Variants in CCDC7 observed in about 807,000 individuals in gnomAD.
CCDC7 encodes the protein coiled-coil domain containing 7.
CCDC7 carries 183 observed loss-of-function variants against 196.9 expected under a neutral mutation model. The ratio of observed to expected loss-of-function variants is 0.93; its 90% CI spans 0.82 to 1.05. The LOEUF (loss-of-function observed/expected upper bound fraction) is 1.05, where lower values mean the gene tolerates loss of function less well. Among genes scored for constraint, CCDC7 ranks in the 50% least tolerant of loss-of-function variants. The pLI is 0.00. For missense variants in CCDC7, 1,540 were observed against 1,482.2 expected (o/e 1.04, Z -0.64); for synonymous variants, 525 against 484.6 (o/e 1.08, Z -1.10).
chr10:32,793,826 A>G (rs1355848081), intron 29 of CCDC7, among the ~76,000 whole-genome samples: 1 of 152,218 alleles, frequency 6.6e-6, no homozygotes, highest in Non-Finnish European at 1.5e-5. Context: ...GTTTTGTGGT[A>G]TAACTATGAT....
At chr10:32,720,563 A>G (rs930050593) in intron 25 of CCDC7, among the ~76,000 whole-genome samples, 2 of 151,146 alleles carry the variant, frequency 1.3e-5, no homozygotes, top group African/African-American at 4.9e-5. Flanking sequence ...CCCAGAACTT[A>G]AACTATAATT....
chr10:32,669,413 G>A (rs756987610), intron 21 of CCDC7, among the ~76,000 whole-genome samples: 7 of 152,096 alleles, frequency 4.6e-5, no homozygotes, highest in Non-Finnish European at 7.4e-5. Flanking sequence ...GAGTTTGGAA[G>A]TGATCTCTCT....
In CCDC7 at chr10:32,634,371, A is replaced by G. The variant is rs1317092712; in HGVS notation, c.1912+7A>G. 1 of 1,016,582 alleles carries G rather than the reference A, an allele frequency of 9.8e-7. No individual in the cohort carries two copies. Among genetic ancestry groups the G allele is most frequent in the Non-Finnish European group, 1.3e-6 (1 of 792,180 alleles). 63.0% of individuals were successfully genotyped at this position (1,016,582 alleles called of 1,614,324 possible). The stretch of plus-strand genomic sequence containing the variant: ...AGTATGGAAAGACATGAGGGTAAGT[A>G]TAATAATTATACATATCTTTACACT... On this transcript the variant is annotated splice_region_variant and intron_variant, in intron 19 of 41. Transcript: ENST00000639629.
intron 28 of CCDC7, among the ~76,000 whole-genome samples, chr10:32,754,528 A>G (rs1329908924): frequency 1.3e-5 from 2 of 152,202 alleles, no homozygotes; most frequent in African/African-American, 4.8e-5. Flanking sequence ...ATATGATTCT[A>G]AAACTTGGCA....
chr10:32,660,140 T>C (rs2070963708), intron 20 of CCDC7, among the ~76,000 whole-genome samples: 1 of 151,936 alleles, frequency 6.6e-6, no homozygotes, highest in African/African-American at 2.4e-5. Flanking sequence ...TTTTTAATAT[T>C]ATACTTTAAG....
chr10:32,513,865 T>C (rs545709759), intron 9 of CCDC7: 105 of 152,284 alleles, frequency 6.9e-4, no homozygotes, highest in African/African-American at 2.4e-3. Flanking sequence ...ATGAAGGCCA[T>C]CTACAAACCC....
intron 11 of CCDC7, among the ~76,000 whole-genome samples, chr10:32,528,634 ATG>A (rs529956709): frequency 2.6e-4 from 33 of 124,934 alleles, no homozygotes; most frequent in African/African-American, 5.1e-4. Flanking sequence ...TGGTATATGT[ATG>A]TGTGTGTGTG....
chr10:32,779,223 T>G, intron 29 of CCDC7, 139 bp downstream of exon 30: 1 of 592,978 alleles, frequency 1.7e-6, no homozygotes, highest in Non-Finnish European at 2.8e-6. Flanking sequence ...ACTCAATCAA[T>G]CTACATGTCA....
intron 21 of CCDC7, among the ~76,000 whole-genome samples, chr10:32,665,071 A>G (rs1018817139): frequency 1.3e-5 from 2 of 151,998 alleles, no homozygotes; most frequent in Non-Finnish European, 2.9e-5. Flanking sequence ...AGTGATGTTG[A>G]ACACTTGTTC....
At chr10:32,766,241 T>C (rs2078277120) in intron 28 of CCDC7, among the ~76,000 whole-genome samples, 1 of 152,040 alleles carries the variant, frequency 6.6e-6, no homozygotes, top group African/African-American at 2.4e-5. Flanking sequence ...GCATCTGGCC[T>C]CTCCTACTAC....
intron 18 of CCDC7, among the ~76,000 whole-genome samples, chr10:32,609,726 A>G (rs1378019815): frequency 3.3e-5 from 5 of 152,178 alleles, no homozygotes; most frequent in Non-Finnish European, 7.3e-5. Flanking sequence ...GTTTAGCACC[A>G]TCCTCTTAGT....
chr10:32,641,403 G>C (rs1307699143), intron 20 of CCDC7, among the ~76,000 whole-genome samples: 1 of 151,972 alleles, frequency 6.6e-6, no homozygotes, highest in Non-Finnish European at 1.5e-5. Flanking sequence ...TCATTCATTT[G>C]ATATTCCATC....
intron 33 of CCDC7, 47 bp downstream of exon 34, chr10:32,834,945 TC>T: frequency 1.3e-6 from 1 of 776,070 alleles, no homozygotes; most frequent in Non-Finnish European, 2.1e-6. Flanking sequence ...CTTATTTAGC[TC>T]TGAAGTTAAA....
chr10:32,781,606 C>T (rs760434420), intron 29 of CCDC7, among the ~76,000 whole-genome samples: 1 of 152,138 alleles, frequency 6.6e-6, no homozygotes, highest in African/African-American at 2.4e-5. Flanking sequence ...AAATTCAATA[C>T]CCTTTCACGT....
chr10:32,795,270 T>C (rs1315250779), intron 29 of CCDC7, among the ~76,000 whole-genome samples: 1 of 152,176 alleles, frequency 6.6e-6, no homozygotes, highest in African/African-American at 2.4e-5. Flanking sequence ...TCATTCTTTG[T>C]TCTTCCCCCC....
At chr10:32,631,125 A>G (rs1398171177) in intron 18 of CCDC7, among the ~76,000 whole-genome samples, 1 of 152,194 alleles carries the variant, frequency 6.6e-6, no homozygotes, top group Non-Finnish European at 1.5e-5. Flanking sequence ...CCTCTAGATG[A>G]TGGTGTCATT....
intron 29 of CCDC7, among the ~76,000 whole-genome samples, chr10:32,785,452 T>C (rs944519859): frequency 1.4e-4 from 22 of 152,040 alleles, no homozygotes; most frequent in African/African-American, 5.3e-4. Flanking sequence ...TTACAAGAGG[T>C]CCTTAAATAG....
chr10:32,751,234 G>T (rs1286419819), intron 28 of CCDC7, among the ~76,000 whole-genome samples: 1 of 151,694 alleles, frequency 6.6e-6, no homozygotes, highest in African/African-American at 2.4e-5. Flanking sequence ...TTGAGCAAGG[G>T]AGTATTTAAA....
intron 20 of CCDC7, among the ~76,000 whole-genome samples, chr10:32,654,818 G>A (rs930837921): frequency 6.6e-6 from 1 of 152,176 alleles, no homozygotes; most frequent in African/African-American, 2.4e-5. Flanking sequence ...CCCTACATAT[G>A]TGTTTTGTCT....
Sources: gnomAD v4.1 joint callset for allele counts (sites outside exome capture counted in the v4.1 genomes callset) on GRCh38, gnomAD v4.1.1 for gene constraint, MANE v1.5 for transcripts, NCBI Gene and HGNC (gene_info 2026-07-23, HGNC 2026-07-21) for gene names.